ADAMTSL3: variants seen among roughly 807,000 people sequenced by gnomAD.
ADAMTSL3 encodes the protein ADAMTS like 3, also known as ADAMTS-like protein 3.
In ADAMTSL3, 128 loss-of-function variants were observed where a neutral mutation model predicts 201.7. The observed-to-expected ratio is 0.63, with a 90% confidence interval of 0.55 to 0.73. The LOEUF (loss-of-function observed/expected upper bound fraction) is 0.73. Among genes scored for constraint, ADAMTSL3 ranks in the 30% least tolerant of loss-of-function variants. The probability of loss-of-function intolerance (pLI) is 0.00; values close to 1 mark genes in which losing one functional copy is unlikely to be tolerated. For synonymous variants in ADAMTSL3, 738 were observed against 748.4 expected (o/e 0.99, Z 0.23); for missense variants, 1,990 against 2,119.6 (o/e 0.94, Z 1.20).
intron 25 of ADAMTSL3, among the ~76,000 whole-genome samples, chr15:84,019,619 C>T (rs573515706): frequency 3.9e-5 from 6 of 152,156 alleles, no homozygotes; most frequent in African/African-American, 7.2e-5. Flanking sequence ...AAAGGCCGGG[C>T]GCAGTGGCTC....
chr15:83,969,436 A>G (rs1296765380), intron 19 of ADAMTSL3, among the ~76,000 whole-genome samples: 4 of 152,250 alleles, frequency 2.6e-5, no homozygotes, highest in Non-Finnish European at 5.9e-5. Flanking sequence ...TGACAGAGCA[A>G]GAATCCATCT....
At chr15:83,670,267 A>G (rs1206759506) in intron 2 of ADAMTSL3, among the ~76,000 whole-genome samples, 1 of 150,554 alleles carries the variant, frequency 6.6e-6, no homozygotes, top group African/African-American at 2.4e-5. Flanking sequence ...CCAAAAAAAA[A>G]AAAAAAAAAA....
At chr15:83,988,885 TTA>T (rs2067532564) in intron 22 of ADAMTSL3, 67 bp downstream of exon 22, 88 of 1,018,456 alleles carry the variant, frequency 8.6e-5, no homozygotes, top group East Asian at 2.6e-4. Context: ...ATTTATTTAT[TTA>T]TTTTTTTTTT....
chr15:83,937,265 C>T (rs926411049), intron 17 of ADAMTSL3, among the ~76,000 whole-genome samples: 7 of 150,742 alleles, frequency 4.6e-5, no homozygotes, highest in South Asian at 4.1e-4. Flanking sequence ...AATGTAAATA[C>T]GCATCAACAG....
rs1181838272 is a variant in ADAMTSL3, at chr15:83,973,867, G to T, written c.2644+3230G>T. Among the ~76,000 whole-genome samples, 9 of 152,136 alleles carry T rather than the reference G, an allele frequency of 5.9e-5. 1 individual carries two copies. The highest frequency in any genetic ancestry group is 3.9e-4 in the Admixed American group (6 of 15,272). ...GCTGTGAACTTTATTTTCTACCAAG[G>T]TTTCAATTCTAGAAAATGTGGCCTA... On this transcript the variant is annotated intron_variant, in intron 20 of 29. Coordinates refer to ENST00000286744, the MANE Select transcript of ADAMTSL3 (RefSeq NM_207517.3).
At chr15:83,660,443 A>C (rs1466727937) in intron 2 of ADAMTSL3, among the ~76,000 whole-genome samples, 1 of 152,206 alleles carries the variant, frequency 6.6e-6, no homozygotes, top group Non-Finnish European at 1.5e-5. Context: ...GACATGGCAC[A>C]TAATTCCTTT....
intron 23 of ADAMTSL3, among the ~76,000 whole-genome samples, chr15:84,008,009 C>T (rs1363711873): frequency 6.6e-6 from 1 of 152,128 alleles, no homozygotes; most frequent in Non-Finnish European, 1.5e-5. Context: ...CTCTTGAATC[C>T]ACTCCAACCA....
intron 2 of ADAMTSL3, among the ~76,000 whole-genome samples, chr15:83,690,583 C>T (rs2061597313): frequency 6.6e-6 from 1 of 152,194 alleles, no homozygotes; most frequent in Non-Finnish European, 1.5e-5. Context: ...GACACTTACG[C>T]TCCTGTGCCC....
chr15:83,735,954 A>G lies in ADAMTSL3; in HGVS notation c.189+31446A>G, dbSNP rs542278256. ...TAAGCCTGCAGTGAAAACAAGGGAG[A>G]AATAATCCTGTTTGCTCTGCAGTAA... is the stretch of plus-strand genomic sequence containing the variant. On this transcript the variant is annotated intron_variant, in intron 3 of 29. Transcript: ENST00000286744. Among the ~76,000 whole-genome samples, 217 of 152,282 alleles carry G rather than the reference A, an allele frequency of 1.4e-3. 1 individual carries two copies. The highest frequency in any genetic ancestry group is 2.6e-3 in the Non-Finnish European group (175 of 68,012).
At chr15:83,715,288 A>G (rs910435972) in intron 3 of ADAMTSL3, among the ~76,000 whole-genome samples, 4 of 152,202 alleles carry the variant, frequency 2.6e-5, no homozygotes, top group East Asian at 1.9e-4. Context: ...AACCATTTCA[A>G]TTACATTCAT....
At chr15:83,883,551 A>G (rs2065322454) in intron 9 of ADAMTSL3, among the ~76,000 whole-genome samples, 2 of 131,612 alleles carry the variant, frequency 1.5e-5, no homozygotes, top group Admixed American at 7.6e-5. Flanking sequence ...TTTTTTAGAG[A>G]TTTTTCTTTT....
intron 8 of ADAMTSL3, among the ~76,000 whole-genome samples, chr15:83,864,681 G>A (rs1368909183): frequency 6.6e-6 from 1 of 152,192 alleles, no homozygotes; most frequent in Non-Finnish European, 1.5e-5. Context: ...AAAACTGGAA[G>A]CATTCCCTTT....
intron 6 of ADAMTSL3, among the ~76,000 whole-genome samples, chr15:83,836,878 G>A (rs541276828): frequency 1.8e-4 from 27 of 152,246 alleles, no homozygotes; most frequent in Middle Eastern, 6.8e-3. Context: ...TTCCTCCAAA[G>A]TCCCTGCACT....
intron 23 of ADAMTSL3, among the ~76,000 whole-genome samples, chr15:83,997,287 C>CT (rs1411430824): frequency 5.3e-5 from 8 of 152,114 alleles, no homozygotes; most frequent in African/African-American, 1.9e-4. Context: ...TCCTTTATTG[C>CT]TTAAAAAAGG....
intron 16 of ADAMTSL3, among the ~76,000 whole-genome samples, chr15:83,919,156 G>C (rs954362393): frequency 1.3e-5 from 2 of 152,166 alleles, no homozygotes; most frequent in Non-Finnish European, 2.9e-5. Flanking sequence ...TGAGTCTGAA[G>C]TGAAGAGGAG....
intron 8 of ADAMTSL3, among the ~76,000 whole-genome samples, chr15:83,865,718 C>A (rs1328737953): frequency 2.0e-5 from 3 of 152,150 alleles, no homozygotes; most frequent in Non-Finnish European, 4.4e-5. Flanking sequence ...GACTTCATGT[C>A]TAAAACACCA....
At chr15:83,665,338 A>T (rs1038750647) in intron 2 of ADAMTSL3, among the ~76,000 whole-genome samples, 2 of 152,088 alleles carry the variant, frequency 1.3e-5, no homozygotes, top group African/African-American at 4.8e-5. Context: ...AGTTTGGGGG[A>T]CTACATGGAG....
chr15:83,911,388 G>C (rs1281500478), intron 15 of ADAMTSL3, among the ~76,000 whole-genome samples: 1 of 152,144 alleles, frequency 6.6e-6, no homozygotes, highest in African/African-American at 2.4e-5. Context: ...CAGTCTTCAA[G>C]AGAAGACTGT....
intron 4 of ADAMTSL3, among the ~76,000 whole-genome samples, chr15:83,788,046 A>G (rs2063291983): frequency 6.6e-6 from 1 of 152,156 alleles, no homozygotes; most frequent in African/African-American, 2.4e-5. Context: ...ATGTCATGTA[A>G]TATACAGCAA....
Sources: allele counts gnomAD v4.1 joint callset (sites outside exome capture counted in the v4.1 genomes callset), GRCh38; gene constraint gnomAD v4.1.1; transcripts MANE v1.5; gene names NCBI Gene and HGNC (gene_info 2026-07-23, HGNC 2026-07-21).